STXBP6: variants seen among roughly 807,000 people sequenced by gnomAD.
The protein encoded by STXBP6 is syntaxin binding protein 6, also known as syntaxin-binding protein 6.
In STXBP6, 21 loss-of-function variants were observed where a neutral mutation model predicts 26.9. That is an observed-to-expected ratio of 0.78 (90% CI 0.55 to 1.12). The LOEUF (loss-of-function observed/expected upper bound fraction) is 1.12, where lower values mean the gene tolerates loss of function less well. Among genes scored for constraint, STXBP6 ranks in the 50% most tolerant of loss-of-function variants. The pLI is 0.00. For synonymous variants in STXBP6, 97 were observed against 92.6 expected, an observed-to-expected ratio of 1.05 and a Z score of -0.27; for missense variants, 232 against 257.9, an observed-to-expected ratio of 0.90 and a Z score of 0.69.
intron 4 of STXBP6, among the ~76,000 whole-genome samples, chr14:24,846,000 G>A (rs2068947342): frequency 1.3e-5 from 2 of 152,206 alleles, no homozygotes; most frequent in Non-Finnish European, 2.9e-5. Context: ...TAGGTTTCTG[G>A]AGTCCAGAAC....
At chr14:25,036,521 A>G (rs914961158) in intron 1 of STXBP6, among the ~76,000 whole-genome samples, 1 of 152,130 alleles carries the variant, frequency 6.6e-6, no homozygotes, top group African/African-American at 2.4e-5. Context: ...CTTGGGGAAA[A>G]CTAATAGGAG....
intron 2 of STXBP6, among the ~76,000 whole-genome samples, chr14:24,905,154 G>C (rs1039789369): frequency 6.6e-6 from 1 of 152,172 alleles, no homozygotes; most frequent in Admixed American, 6.5e-5. Flanking sequence ...GGACAGGATA[G>C]AACCATCTCA....
intron 2 of STXBP6, among the ~76,000 whole-genome samples, chr14:24,917,633 G>A (rs900528468): frequency 1.3e-5 from 2 of 151,702 alleles, no homozygotes; most frequent in Non-Finnish European, 2.9e-5. Context: ...TAAATGTAAG[G>A]GCTAAAACTT....
intron 2 of STXBP6, among the ~76,000 whole-genome samples, chr14:24,880,458 T>G (rs567009750): frequency 5.9e-5 from 9 of 152,068 alleles, no homozygotes; most frequent in Non-Finnish European, 1.2e-4. Flanking sequence ...TCAACGTGCA[T>G]AGAGAGGAAG....
At chr14:25,004,702 C>CGTA (rs1179755450) in intron 1 of STXBP6, among the ~76,000 whole-genome samples, 1 of 152,174 alleles carries the variant, frequency 6.6e-6, no homozygotes, top group Admixed American at 6.5e-5. Flanking sequence ...ATCCCGATAC[C>CGTA]ACCTAGCACA....
At chr14:24,857,616 A>G (rs2069384827) in intron 2 of STXBP6, among the ~76,000 whole-genome samples, 1 of 152,034 alleles carries the variant, frequency 6.6e-6, no homozygotes, top group African/African-American at 2.4e-5. Context: ...TTCTAGTTTT[A>G]TAGTCCAGTG....
intron 2 of STXBP6, among the ~76,000 whole-genome samples, chr14:24,915,145 C>T (rs2139759829): frequency 6.6e-6 from 1 of 152,262 alleles, no homozygotes; most frequent in East Asian, 1.9e-4. Flanking sequence ...AGACTTTGTG[C>T]TCTCAGTATT....
intron 1 of STXBP6, among the ~76,000 whole-genome samples, chr14:24,981,117 T>C (rs778725587): frequency 2.6e-5 from 4 of 152,214 alleles, no homozygotes; most frequent in Non-Finnish European, 5.9e-5. Context: ...AAATATTTTG[T>C]AAAGCCCTAG....
intron 2 of STXBP6, among the ~76,000 whole-genome samples, chr14:24,937,253 G>A (rs947845268): frequency 2.6e-5 from 4 of 152,086 alleles, no homozygotes; most frequent in Admixed American, 2.0e-4. Context: ...AAACCTGCAC[G>A]TTCTGCACAC....
At chr14:24,943,745 T>C (rs1232046406) in intron 2 of STXBP6, among the ~76,000 whole-genome samples, 1 of 152,204 alleles carries the variant, frequency 6.6e-6, no homozygotes, top group African/African-American at 2.4e-5. Flanking sequence ...AATAAAAATA[T>C]GTTTCAGTGG....
chr14:24,937,397 C>G (rs1211190461), intron 2 of STXBP6, among the ~76,000 whole-genome samples: 1 of 152,208 alleles, frequency 6.6e-6, no homozygotes, highest in Non-Finnish European at 1.5e-5. Context: ...TGATGTTGCT[C>G]TGTTACTATG....
chr14:24,896,267 T>C (rs1312186518), intron 2 of STXBP6, among the ~76,000 whole-genome samples: 1 of 151,918 alleles, frequency 6.6e-6, no homozygotes, highest in East Asian at 1.9e-4. Context: ...ATGATATTAC[T>C]AATGACATGA....
chr14:24,872,157 A>G (rs979180166), intron 2 of STXBP6, among the ~76,000 whole-genome samples: 4 of 152,236 alleles, frequency 2.6e-5, no homozygotes, highest in African/African-American at 9.6e-5. Flanking sequence ...ATTTTAGTCT[A>G]TTAGCAAATC....
chr14:24,891,449 A>G (rs1409836850), intron 2 of STXBP6, among the ~76,000 whole-genome samples: 1 of 152,192 alleles, frequency 6.6e-6, no homozygotes, highest in African/African-American at 2.4e-5. Context: ...ATTAGTAAAT[A>G]CCACAATTTC....
intron 4 of STXBP6, among the ~76,000 whole-genome samples, chr14:24,820,930 C>T (rs12433081): frequency 2.4e-4 from 36 of 152,094 alleles, no homozygotes; most frequent in African/African-American, 8.2e-4. Context: ...CAGAATTGTG[C>T]GCAGACTAGC....
chr14:24,845,186 G>A (rs1006136444), intron 4 of STXBP6, among the ~76,000 whole-genome samples: 3 of 151,876 alleles, frequency 2.0e-5, no homozygotes, highest in Non-Finnish European at 4.4e-5. Flanking sequence ...TAATTTTTTT[G>A]TACTTTTAAT....
At chr14:24,839,948 CTGA>C (rs2068738793) in intron 4 of STXBP6, among the ~76,000 whole-genome samples, 1 of 152,182 alleles carries the variant, frequency 6.6e-6, no homozygotes, top group Non-Finnish European at 1.5e-5. Context: ...TTCCACCTGG[CTGA>C]TCTTTGTCAT....
chr14:25,015,403 C>T (rs72682974), intron 1 of STXBP6, among the ~76,000 whole-genome samples: 8,847 of 152,038 alleles, frequency 0.058, 365 homozygotes, highest in South Asian at 0.15. Flanking sequence ...ACAGTCTCCA[C>T]CCCTTCCATT....
At chr14:24,984,058 CCT>C (rs1244532612) in intron 1 of STXBP6, among the ~76,000 whole-genome samples, 2 of 152,000 alleles carry the variant, frequency 1.3e-5, no homozygotes, top group Non-Finnish European at 2.9e-5. Flanking sequence ...ATGATGAAAC[CCT>C]GTCTCTAGTA....
Sources: gnomAD v4.1 joint callset for allele counts (sites outside exome capture counted in the v4.1 genomes callset) on GRCh38, gnomAD v4.1.1 for gene constraint, MANE v1.5 for transcripts, NCBI Gene and HGNC (gene_info 2026-07-23, HGNC 2026-07-21) for gene names.